The following CCDC102A variants were observed in gnomAD, a reference collection of about 807,000 sequenced individuals.
CCDC102A encodes the protein coiled-coil domain containing 102A.
CCDC102A carries 40 observed loss-of-function variants against 55.5 expected under a neutral mutation model. That is an observed-to-expected ratio of 0.72 (90% CI 0.56 to 0.94). CCDC102A has a LOEUF of 0.94. Among genes scored for constraint, CCDC102A ranks in the 40% least tolerant of loss-of-function variants. The probability of loss-of-function intolerance (pLI) is 0.00; values close to 1 mark genes in which losing one functional copy is unlikely to be tolerated. For missense variants in CCDC102A, 779 were observed against 768.6 expected, an observed-to-expected ratio of 1.01 and a Z score of -0.16; for synonymous variants, 323 against 339.0, an observed-to-expected ratio of 0.95 and a Z score of 0.52.
chr16:57,531,900 C>T (rs2032272321), intron 1 of CCDC102A, among the ~76,000 whole-genome samples: 1 of 152,248 alleles, frequency 6.6e-6, no homozygotes, highest in Non-Finnish European at 1.5e-5. Context: ...TCTACACCAC[C>T]ACGTGGAGCA....
At chr16:57,521,892 A>G (rs2032057637) in intron 3 of CCDC102A, among the ~76,000 whole-genome samples, 1 of 152,226 alleles carries the variant, frequency 6.6e-6, no homozygotes, top group African/African-American at 2.4e-5. Context: ...GGAACACTCC[A>G]TGCCTCCAAC....
intron 2 of CCDC102A, among the ~76,000 whole-genome samples, chr16:57,527,799 G>C (rs540269963): frequency 8.5e-5 from 13 of 152,330 alleles, no homozygotes; most frequent in African/African-American, 3.1e-4. Flanking sequence ...GGGTTACCTA[G>C]ATAACGCACA....
At chr16:57,532,449 C>G (rs1197149253) in intron 1 of CCDC102A, among the ~76,000 whole-genome samples, 1 of 152,174 alleles carries the variant, frequency 6.6e-6, no homozygotes, top group Non-Finnish European at 1.5e-5. Context: ...AGTGAGCTGG[C>G]TGGCCTTGAT....
chr16:57,518,803 C>A, intron 4 of CCDC102A, 62 bp from the exon 5 acceptor site: 2 of 1,328,094 alleles, frequency 1.5e-6, no homozygotes, highest in East Asian at 2.5e-5. Flanking sequence ...GAACCACCTC[C>A]GGGGGTGGGC....
upstream of CCDC102A, among the ~76,000 whole-genome samples, chr16:57,536,979 AG>A (rs1248108493): frequency 6.6e-6 from 1 of 152,128 alleles, no homozygotes; most frequent in African/African-American, 2.4e-5. Context: ...TCCCTGGGCC[AG>A]CTCTGCCACC....
At position 57,516,212 on chromosome 16, in the gene CCDC102A, G is replaced by T. The variant is rs560710780; in HGVS notation, c.1419+81C>A. 9.8e-6 allele frequency: 14 copies of T among 1,426,924 alleles called. No homozygotes were observed. The South Asian group carries it at 1.5e-4, about 15-fold the overall frequency. 88.4% of individuals were successfully genotyped at this position (1,426,924 alleles called of 1,614,324 possible). On this transcript the variant is annotated intron_variant, in intron 7 of 8. Transcript: ENST00000258214. The surrounding 1 kb of genome is among the most constrained non-coding windows in gnomAD (Gnocchi z 4.4). ...GTGCCAGGCACCAGGGGCTGAGAAT[G>T]GAGAAGCCAGGATGGCCCTGCGGCC...
chr16:57,517,939 G>T, intron 6 of CCDC102A, 129 bp downstream of exon 6: 1 of 1,084,650 alleles, frequency 9.2e-7, no homozygotes, highest in Non-Finnish European at 1.3e-6. Flanking sequence ...AACTGGTCTA[G>T]CACACAAGGT....
chr16:57,528,350 T>C (rs887443516), intron 2 of CCDC102A, among the ~76,000 whole-genome samples: 1 of 152,216 alleles, frequency 6.6e-6, no homozygotes, highest in Non-Finnish European at 1.5e-5. Context: ...AAGGGGATGA[T>C]TCCTTGGTTC....
intron 3 of CCDC102A, among the ~76,000 whole-genome samples, chr16:57,522,001 G>C (rs187249544): frequency 1.4e-4 from 22 of 152,300 alleles, no homozygotes; most frequent in African/African-American, 4.8e-4. Context: ...TCATTTAGTG[G>C]ACGGGGGCCA....
chr16:57,526,037 G>C lies in CCDC102A; in HGVS notation c.676C>G (p.Arg226Gly). ...EARSLGAGGP[R>G]GSSGRQERSR... Reference sequence around the variant, plus strand: ...CGCTCCTGGCGGCCTGAGCTGCCCCGCGGGCCCCCAGCCCCCAGGCTGCGC... The same window carrying C: ...CGCTCCTGGCGGCCTGAGCTGCCCCCCGGGCCCCCAGCCCCCAGGCTGCGC... Residue 226 changes from arginine to glycine, a missense_variant, in exon 3 of 9, where the codon CGG becomes GGG. Physicochemically the swap from Arg to Gly is moderately radical, Grantham distance 125. Coordinates refer to ENST00000258214, the MANE Select transcript of CCDC102A (RefSeq NM_033212.4). 1 of 1,597,086 alleles carries C rather than the reference G, an allele frequency of 6.3e-7. No homozygotes were observed. The highest frequency in any genetic ancestry group is 2.2e-5 in the East Asian group (1 of 44,486).
rs371449624 is a variant in CCDC102A, at chr16:57,516,249, C to T, written c.1419+44G>A. 5.4e-5 allele frequency: 85 copies of T among 1,584,780 alleles called. No individual in the cohort carries two copies. In the African/African-American group the frequency reaches 1.1e-3, roughly 20 times the overall value. On this transcript the variant is annotated intron_variant, in intron 7 of 8. Coordinates refer to ENST00000258214, the MANE Select transcript of CCDC102A (RefSeq NM_033212.4). This position sits in a 1 kb window ranked among gnomAD's most constrained non-coding sequence, Gnocchi z 4.4. The stretch of plus-strand genomic sequence containing the variant: ...ATGGCCCTGCGGCCCCCACTCCTCC[C>T]TGGCCAAGGTCTGTTGCTGCCCCTG...
chr16:57,524,728 G>A (rs79766523), intron 3 of CCDC102A, among the ~76,000 whole-genome samples: 1 of 152,080 alleles, frequency 6.6e-6, no homozygotes, highest in African/African-American at 2.4e-5. Context: ...TTTTAAAAAG[G>A]AGTGTGTAGA....
At chr16:57,517,765 T>A (rs569480962) in intron 6 of CCDC102A, among the ~76,000 whole-genome samples, 1 of 152,326 alleles carries the variant, frequency 6.6e-6, no homozygotes, top group South Asian at 2.1e-4. Flanking sequence ...TTGGCATGAA[T>A]CTGTGTGACA....
intron 2 of CCDC102A, 137 bp from the exon 3 acceptor site, chr16:57,526,264 C>T: frequency 1.6e-6 from 1 of 639,126 alleles, no homozygotes; most frequent in South Asian, 2.0e-5. Flanking sequence ...CCTGCCTCTC[C>T]ATCTCTGGAG....
chr16:57,535,986 C>A (rs1186035848), intron 1 of CCDC102A, among the ~76,000 whole-genome samples: 1 of 152,204 alleles, frequency 6.6e-6, no homozygotes, highest in Non-Finnish European at 1.5e-5. Flanking sequence ...GCTGGCCCTG[C>A]GAACCGCCCC....
chr16:57,528,925 C>T lies in CCDC102A; in HGVS notation c.253G>A (p.Ala85Thr). Residue 85 changes from alanine (A) to threonine (T), a missense_variant, in exon 2 of 9, where the codon GCG becomes ACG. Physicochemically the swap from Ala to Thr is moderately conservative, Grantham distance 58 (BLOSUM62 0). Coordinates refer to ENST00000258214, the MANE Select transcript of CCDC102A (RefSeq NM_033212.4). ...GTCTTCTCCATCTGCGCCGCCCGCG[C>T]CCGCGCCTCCTCCAGCTCCCGCAGC... ...LRLRELEEARARAAQMEKTMR... is the reference protein window; with the variant it reads ...LRLRELEEARTRAAQMEKTMR... The T allele has an allele frequency of 1.4e-6, 2 of 1,403,156 alleles. No individual in the cohort carries two copies. Among genetic ancestry groups the T allele is most frequent in the Non-Finnish European group, 1.9e-6 (2 of 1,068,756 alleles). The allele number at this position is 1,403,156 out of a possible 1,614,324, so 86.9% of individuals were successfully genotyped here.
At chr16:57,513,080 C>A (rs2031894098) in intron 8 of CCDC102A, among the ~76,000 whole-genome samples, 1 of 152,216 alleles carries the variant, frequency 6.6e-6, no homozygotes, top group Non-Finnish European at 1.5e-5. Flanking sequence ...GTCATTTGCT[C>A]AAAGTCACAC....
chr16:57,535,619 C>G (rs1208828838), intron 1 of CCDC102A, among the ~76,000 whole-genome samples: 2 of 151,902 alleles, frequency 1.3e-5, no homozygotes, highest in African/African-American at 4.8e-5. Flanking sequence ...TCATGGGGAC[C>G]CAGCCCCACC....
intron 8 of CCDC102A, among the ~76,000 whole-genome samples, chr16:57,514,193 T>C (rs2031915497): frequency 6.6e-6 from 1 of 152,046 alleles, no homozygotes; most frequent in Non-Finnish European, 1.5e-5. Context: ...ATGTGCCAGG[T>C]GTTTTCTTTC....
Sources: allele counts gnomAD v4.1 joint callset (sites outside exome capture counted in the v4.1 genomes callset), GRCh38; gene constraint gnomAD v4.1.1; non-coding constraint Gnocchi (gnomAD v3.1); transcripts MANE v1.5; gene names NCBI Gene and HGNC (gene_info 2026-07-23, HGNC 2026-07-21).